The following B3GALT1 variants were observed in gnomAD, a reference collection of about 807,000 sequenced individuals.
B3GALT1 encodes UDP-Gal:betaGlcNAc beta 1,3-galactosyltransferase, polypeptide 1.
Under a neutral mutation model 23.2 loss-of-function variants are expected in B3GALT1, and 10 were observed. The ratio of observed to expected loss-of-function variants is 0.43; its 90% CI spans 0.27 to 0.73. B3GALT1 has a LOEUF of 0.73. Ranked by LOEUF, B3GALT1 falls within the 30% of genes least tolerant of loss-of-function variation. B3GALT1 has a pLI of 0.21. For missense variants in B3GALT1, 299 were observed against 405.4 expected, an observed-to-expected ratio of 0.74 and a Z score of 2.25; for synonymous variants, 156 against 141.5, an observed-to-expected ratio of 1.10 and a Z score of -0.73.
intron 2 of B3GALT1, among the ~76,000 whole-genome samples, chr2:167,494,069 T>C (rs1699745408): frequency 6.6e-6 from 1 of 152,084 alleles, no homozygotes; most frequent in Non-Finnish European, 1.5e-5. Flanking sequence ...GCCAACAAGA[T>C]TGAGTAACTT....
intron 2 of B3GALT1, among the ~76,000 whole-genome samples, chr2:167,491,881 A>G (rs897972858): frequency 6.6e-6 from 1 of 152,070 alleles, no homozygotes; most frequent in African/African-American, 2.4e-5. Context: ...GAGCTTCCAC[A>G]TAATCTTCTC....
intron 1 of B3GALT1, among the ~76,000 whole-genome samples, chr2:167,471,211 TAGC>T (rs1353947518): frequency 6.6e-6 from 1 of 152,148 alleles, no homozygotes; most frequent in Non-Finnish European, 1.5e-5. Context: ...GTGAATTAAT[TAGC>T]AGATAGTAAA....
At chr2:167,613,867 C>T (rs937429979) in intron 2 of B3GALT1, among the ~76,000 whole-genome samples, 6 of 151,696 alleles carry the variant, frequency 4.0e-5, no homozygotes, top group Admixed American at 2.6e-4. Flanking sequence ...AAAAATCAAG[C>T]ATCCACTTCC....
rs1690306391 is a variant in B3GALT1 at position 167,869,779 on chromosome 2, T to C, written c.740T>C (p.Val247Ala). Residue 247 changes from valine (V) to alanine (A), a missense_variant, in exon 5 of 5, where the codon GTA (valine) becomes GCA (alanine). Physicochemically the swap from Val to Ala is moderately conservative, Grantham distance 64 (BLOSUM62 0). Coordinates refer to ENST00000392690, the MANE Select transcript of B3GALT1 (RefSeq NM_020981.4). This position sits in a 1 kb window ranked among gnomAD's most constrained non-coding sequence, Gnocchi z 6.4. The part of the protein sequence containing the change: ...SGTGYIFSAD[V>A]AELIYKTSLH... The stretch of plus-strand genomic sequence containing the variant: ...ACTGGCTACATCTTTTCAGCCGATG[T>C]AGCTGAACTCATTTACAAGACCTCA... 6.2e-7 allele frequency: 1 copy of C among 1,614,204 alleles called. No individual in the cohort carries two copies. Among genetic ancestry groups the C allele is most frequent in the Non-Finnish European group, 8.5e-7 (1 of 1,180,026 alleles).
chr2:167,365,292 C>A (rs1697568981), intron 1 of B3GALT1, among the ~76,000 whole-genome samples: 1 of 152,118 alleles, frequency 6.6e-6, no homozygotes, highest in Admixed American at 6.5e-5. Context: ...TATGTTCTTC[C>A]TGCCCTTTCA....
chr2:167,817,595 A>C (rs927915807), intron 3 of B3GALT1, among the ~76,000 whole-genome samples: 2 of 152,184 alleles, frequency 1.3e-5, no homozygotes, highest in African/African-American at 4.8e-5. Context: ...GGAACCAGCA[A>C]ATGGATCCAC....
intron 3 of B3GALT1, among the ~76,000 whole-genome samples, chr2:167,734,997 T>G (rs1687469876): frequency 1.3e-5 from 2 of 152,232 alleles, no homozygotes; most frequent in Non-Finnish European, 2.9e-5. Context: ...TGCCATCATT[T>G]TCTCACTCTC....
intron 1 of B3GALT1, among the ~76,000 whole-genome samples, chr2:167,417,657 T>C (rs1219034444): frequency 6.6e-6 from 1 of 152,194 alleles, no homozygotes; most frequent in Non-Finnish European, 1.5e-5. Context: ...CTAGGACTCA[T>C]TGGCCCACCA....
rs577303673 is a variant in B3GALT1, at chr2:167,308,957, A to G, written c.-511+15623A>G. 2.6e-5 allele frequency among the ~76,000 whole-genome samples: 4 copies of G among 152,188 alleles called. No individual in the cohort carries two copies. In the South Asian group the frequency reaches 8.3e-4, roughly 32 times the overall value. On this transcript the variant is annotated intron_variant, in intron 1 of 4. Transcript: ENST00000392690. The stretch of plus-strand genomic sequence containing the variant: ...GGACCCTTGTTTCCTAGATGTTTTT[A>G]GTCATATTCATTGTCATAGTGATAT...
intron 1 of B3GALT1, among the ~76,000 whole-genome samples, chr2:167,299,248 C>T (rs1348652290): frequency 1.3e-5 from 2 of 152,100 alleles, no homozygotes; most frequent in African/African-American, 4.8e-5. Context: ...AGCACCCAGG[C>T]AAAAACAACT....
intron 3 of B3GALT1, among the ~76,000 whole-genome samples, chr2:167,670,679 T>C (rs1222257909): frequency 2.0e-5 from 3 of 151,906 alleles, no homozygotes; most frequent in Non-Finnish European, 2.9e-5. Context: ...AGTATACAAA[T>C]AAAATGATGT....
At chr2:167,401,517 G>A (rs1698188945) in intron 1 of B3GALT1, among the ~76,000 whole-genome samples, 1 of 152,010 alleles carries the variant, frequency 6.6e-6, no homozygotes. Flanking sequence ...TACCCTTGGG[G>A]TCCTCTTTCC....
At chr2:167,391,903 C>G (rs1698019065) in intron 1 of B3GALT1, among the ~76,000 whole-genome samples, 2 of 152,108 alleles carry the variant, frequency 1.3e-5, no homozygotes, top group Admixed American at 6.5e-5. Flanking sequence ...AATGATATAA[C>G]TTTATACTCC....
At chr2:167,845,261 C>T (rs765462332) in intron 4 of B3GALT1, among the ~76,000 whole-genome samples, 2 of 152,136 alleles carry the variant, frequency 1.3e-5, no homozygotes, top group African/African-American at 2.4e-5. Context: ...CTCTGGAAAG[C>T]GCCACCTCCT....
chr2:167,413,203 A>G (rs1306527226), intron 1 of B3GALT1, among the ~76,000 whole-genome samples: 3 of 151,986 alleles, frequency 2.0e-5, no homozygotes, highest in Non-Finnish European at 4.4e-5. Context: ...AGATGGGGGG[A>G]TAGAAAAAAA....
At chr2:167,780,332 G>T (rs1191792775) in intron 3 of B3GALT1, among the ~76,000 whole-genome samples, 1 of 152,174 alleles carries the variant, frequency 6.6e-6, no homozygotes, top group Admixed American at 6.6e-5. Context: ...GCAAGGAAAA[G>T]GTTGAGAGTG....
At chr2:167,751,169 T>C (rs1687729277) in intron 3 of B3GALT1, among the ~76,000 whole-genome samples, 1 of 152,212 alleles carries the variant, frequency 6.6e-6, no homozygotes, top group African/African-American at 2.4e-5. Context: ...AAGATATCAC[T>C]CCTCTGTGGA....
chr2:167,629,723 C>A (rs1685407110), intron 2 of B3GALT1, among the ~76,000 whole-genome samples: 1 of 151,666 alleles, frequency 6.6e-6, no homozygotes, highest in Admixed American at 6.6e-5. Flanking sequence ...GAATAAATTA[C>A]TACAGAAATA....
chr2:167,714,342 C>T, intron 3 of B3GALT1: 2 of 1,497,852 alleles, frequency 1.3e-6, no homozygotes, highest in Non-Finnish European at 1.9e-6. Context: ...CAGCTTGGTT[C>T]TCCTCTTTTA....
Sources: gnomAD v4.1 joint callset for allele counts (sites outside exome capture counted in the v4.1 genomes callset) on GRCh38, gnomAD v4.1.1 for gene constraint, Gnocchi (gnomAD v3.1) non-coding constraint, MANE v1.5 for transcripts, NCBI Gene and HGNC (gene_info 2026-07-23, HGNC 2026-07-21) for gene names.